LRBA: variants seen among roughly 807,000 people sequenced by gnomAD.
The protein encoded by LRBA is LPS responsive beige-like anchor protein, also known as lipopolysaccharide-responsive and beige-like anchor protein.
Under a neutral mutation model 330.0 loss-of-function variants are expected in LRBA, and 176 were observed. That is an observed-to-expected ratio of 0.53 (90% CI 0.47 to 0.60). The LOEUF (loss-of-function observed/expected upper bound fraction) is 0.60, where lower values mean the gene tolerates loss of function less well. LRBA is among the 20% of genes least tolerant of loss of function. The probability of loss-of-function intolerance (pLI) is 0.00; values close to 1 mark genes in which losing one functional copy is unlikely to be tolerated. For missense variants in LRBA, 3,259 were observed against 3,444.8 expected, an observed-to-expected ratio of 0.95 and a Z score of 1.35; for synonymous variants, 1,230 against 1,193.0, an observed-to-expected ratio of 1.03 and a Z score of -0.64.
chr4:150,420,387 GTATATATAAAGTATATATAATA>G (rs1561150911), intron 46 of LRBA, among the ~76,000 whole-genome samples: 26 of 40,804 alleles, frequency 6.4e-4, no homozygotes, highest in African/African-American at 2.7e-3. Context: ...ACACATTATA[GTATATATAAAGTATATATAATA>G]CACATTATAG....
intron 2 of LRBA, among the ~76,000 whole-genome samples, chr4:150,989,537 C>G (rs937802053): frequency 3.9e-5 from 6 of 152,010 alleles, no homozygotes; most frequent in African/African-American, 1.4e-4. Context: ...CGCTTGAACC[C>G]GGAAGGCACA....
chr4:150,404,609 C>T (rs1336354741), intron 47 of LRBA, among the ~76,000 whole-genome samples: 1 of 151,984 alleles, frequency 6.6e-6, no homozygotes, highest in Admixed American at 6.6e-5. Context: ...CTGGCATTTC[C>T]CCCCACACTT....
At chr4:150,669,701 G>A (rs1781880019) in intron 37 of LRBA, among the ~76,000 whole-genome samples, 1 of 151,942 alleles carries the variant, frequency 6.6e-6, no homozygotes, top group African/African-American at 2.4e-5. Flanking sequence ...GAGTAGCTGA[G>A]ATTACAGTCA....
intron 40 of LRBA, among the ~76,000 whole-genome samples, chr4:150,568,879 G>A (rs2152280863): frequency 6.6e-6 from 1 of 151,812 alleles, no homozygotes; most frequent in African/African-American, 2.4e-5. Flanking sequence ...ATTAACCCTG[G>A]TTGAAAAAAG....
Position 150,265,706 on chromosome 4 carries a change from T to C in LRBA, c.*16A>G, listed in dbSNP as rs1248155228. 1.3e-6 allele frequency: 2 copies of C among 1,547,854 alleles called. No individual in the cohort carries two copies. The highest frequency in any genetic ancestry group is 1.8e-6 in the Non-Finnish European group (2 of 1,119,644). On this transcript the variant is annotated 3_prime_UTR_variant, in exon 57 of 57. Transcript: ENST00000651943. Reference sequence around the variant, plus strand: ...CTGCTCATCCTAGGGGCAGAGTTGATGTACAGCTGTCACCATCAGTAGCGG... The same window carrying C: ...CTGCTCATCCTAGGGGCAGAGTTGACGTACAGCTGTCACCATCAGTAGCGG...
chr4:150,793,036 C>T (rs4696633), intron 34 of LRBA, among the ~76,000 whole-genome samples: 106,858 of 151,634 alleles, frequency 0.7, 42,583 homozygotes, highest in Non-Finnish European at 0.9. Context: ...GCCAAGACCA[C>T]GCCATTGCAC....
intron 56 of LRBA, among the ~76,000 whole-genome samples, chr4:150,276,826 G>A (rs575720538): frequency 6.6e-6 from 1 of 152,302 alleles, no homozygotes; most frequent in East Asian, 1.9e-4. Flanking sequence ...CATCGTTGGT[G>A]GGAGTGTAAA....
chr4:150,308,681 T>C (rs182487308), intron 52 of LRBA, among the ~76,000 whole-genome samples: 1 of 152,296 alleles, frequency 6.6e-6, no homozygotes, highest in Admixed American at 6.5e-5. Flanking sequence ...GTGATATTGA[T>C]GATCCTGACC....
chr4:150,607,067 T>A (rs1487792051), intron 37 of LRBA, among the ~76,000 whole-genome samples: 1 of 152,208 alleles, frequency 6.6e-6, no homozygotes. Flanking sequence ...AAAAGGGCTC[T>A]GTAATTTAAG....
At chr4:150,695,882 T>C (rs545851674) in intron 36 of LRBA, among the ~76,000 whole-genome samples, 2 of 152,284 alleles carry the variant, frequency 1.3e-5, no homozygotes, top group South Asian at 4.1e-4. Flanking sequence ...ATTAGCAAGG[T>C]CTCCTACTTA....
rs116688119 is a variant in LRBA at position 150,685,048 on chromosome 4, C to T, written c.5755-1331G>A. ...ATTTAGTTGGACAGTTGGTTCCCTC[C>T]TTCCTCTCAAGGTGTAAAAGAAGCA... On this transcript the variant is annotated intron_variant, in intron 36 of 56. Transcript: ENST00000651943. 4.2e-3 allele frequency among the ~76,000 whole-genome samples: 634 copies of T among 152,080 alleles called. 3 individuals carry two copies. Among genetic ancestry groups the T allele is most frequent in the African/African-American group, 0.015 (612 of 41,480 alleles).
intron 50 of LRBA, among the ~76,000 whole-genome samples, chr4:150,320,320 T>C (rs890134992): frequency 6.6e-6 from 1 of 152,212 alleles, no homozygotes; most frequent in African/African-American, 2.4e-5. Context: ...TTTATGATTC[T>C]AATGGTTATT....
chr4:150,860,066 A>G (rs1751700583), intron 22 of LRBA, among the ~76,000 whole-genome samples: 1 of 152,198 alleles, frequency 6.6e-6, no homozygotes, highest in Non-Finnish European at 1.5e-5. Flanking sequence ...GCCTTAGGGT[A>G]TAAGTTTCTG....
chr4:150,628,218 T>C (rs936551316), intron 37 of LRBA, among the ~76,000 whole-genome samples: 7 of 152,210 alleles, frequency 4.6e-5, no homozygotes, highest in Admixed American at 3.9e-4. Context: ...CTTTCTGCCA[T>C]TGTAGAAAGT....
chr4:150,454,284 T>C (rs1753776377), intron 44 of LRBA, among the ~76,000 whole-genome samples: 1 of 152,094 alleles, frequency 6.6e-6, no homozygotes, highest in South Asian at 2.1e-4. Flanking sequence ...TTAATTTGTG[T>C]AAGGTAAGCT....
At chr4:150,920,098 T>C (rs979595625) in intron 5 of LRBA, among the ~76,000 whole-genome samples, 1 of 152,212 alleles carries the variant, frequency 6.6e-6, no homozygotes, top group Admixed American at 6.5e-5. Context: ...GTATATAACA[T>C]TTAAATATCA....
chr4:150,583,846 C>T lies in LRBA; in HGVS notation c.6330+4202G>A. 1 of 1,614,208 alleles carries T rather than the reference C, an allele frequency of 6.2e-7. No individual in the cohort carries two copies. The highest frequency in any genetic ancestry group is 8.5e-7 in the Non-Finnish European group (1 of 1,180,030). On this transcript the variant is annotated intron_variant, in intron 40 of 56. Transcript: ENST00000651943. This position sits in a 1 kb window ranked among gnomAD's most constrained non-coding sequence, Gnocchi z 9.8. Reference sequence around the variant, plus strand: ...ACCCGGCCAGCCGCTCAACAACTACCACATGAAGACGCTGCTGCTGTACGA... The same window carrying T: ...ACCCGGCCAGCCGCTCAACAACTACTACATGAAGACGCTGCTGCTGTACGA...
At chr4:150,488,685 T>C (rs1758182757) in intron 41 of LRBA, among the ~76,000 whole-genome samples, 1 of 150,830 alleles carries the variant, frequency 6.6e-6, no homozygotes, top group Non-Finnish European at 1.5e-5. Context: ...GTCAGAATCA[T>C]ATGTAAGCTA....
intron 37 of LRBA, among the ~76,000 whole-genome samples, chr4:150,680,999 T>A (rs1006663340): frequency 6.6e-6 from 1 of 152,072 alleles, no homozygotes; most frequent in Non-Finnish European, 1.5e-5. Flanking sequence ...ATAAAAAAAA[T>A]GCCACAAATG....
Sources: gnomAD v4.1 joint callset for allele counts (sites outside exome capture counted in the v4.1 genomes callset) on GRCh38, gnomAD v4.1.1 for gene constraint, Gnocchi (gnomAD v3.1) non-coding constraint, MANE v1.5 for transcripts, NCBI Gene and HGNC (gene_info 2026-07-23, HGNC 2026-07-21) for gene names.